Variants in LAMA2 observed in about 807,000 individuals in gnomAD.
LAMA2 encodes laminin subunit alpha 2.
In LAMA2, 269 loss-of-function variants were observed where a neutral mutation model predicts 364.8. The observed-to-expected ratio is 0.74, with a 90% confidence interval of 0.67 to 0.82. The LOEUF is 0.82. LAMA2 is among the 40% of genes least tolerant of loss of function. The pLI, the probability that LAMA2 is intolerant of heterozygous loss-of-function variation, is 0.00. For missense variants in LAMA2, 3,807 were observed against 3,873.2 expected (o/e 0.98, Z 0.45); for synonymous variants, 1,379 against 1,370.6 (o/e 1.01, Z -0.14).
Position 129,079,149 on chromosome 6 carries a change from G to A in LAMA2, c.397-19024G>A, listed in dbSNP as rs142671080. On this transcript the variant is annotated intron_variant, in intron 3 of 64. Coordinates refer to ENST00000421865, the MANE Select transcript of LAMA2 (RefSeq NM_000426.4). ...TGGGCATATGGGCTTCAATCTTTAA[G>A]GTTTCAGTTACTCATGGTAAACTGA... is the stretch of plus-strand genomic sequence containing the variant. Among the ~76,000 whole-genome samples, 39 of 152,058 alleles carry A rather than the reference G, an allele frequency of 2.6e-4. No homozygotes were observed. In the East Asian group the frequency reaches 6.9e-3, roughly 27 times the overall value.
At chr6:129,410,439 G>A (rs976833978) in intron 40 of LAMA2, among the ~76,000 whole-genome samples, 1 of 151,802 alleles carries the variant, frequency 6.6e-6, no homozygotes, top group Non-Finnish European at 1.5e-5. Flanking sequence ...CTTTCTCTCT[G>A]TCTCTGTCTC....
At chr6:129,041,200 G>T (rs1233329602) in intron 1 of LAMA2, among the ~76,000 whole-genome samples, 5 of 152,160 alleles carry the variant, frequency 3.3e-5, no homozygotes, top group Non-Finnish European at 7.3e-5. Flanking sequence ...GCCTAAGGAA[G>T]CAGCCTTCCC....
chr6:129,167,879 C>T lies in LAMA2; in HGVS notation c.1306+2204C>T, dbSNP rs376103484. Among the ~76,000 whole-genome samples the T allele has an allele frequency of 8.9e-3, 1,345 of 150,426 alleles. 14 individuals carry two copies. Among genetic ancestry groups the T allele is most frequent in the Non-Finnish European group, 0.015 (983 of 67,586 alleles). On this transcript the variant is annotated intron_variant, in intron 9 of 64. Transcript: ENST00000421865. ...TTCTAACTGGTGTGAGATGGTATCTCATTGTGGTTTTGATTTGCATTTCTC... is the reference window on the plus strand; with the variant it reads ...TTCTAACTGGTGTGAGATGGTATCTTATTGTGGTTTTGATTTGCATTTCTC...
At chr6:129,013,657 G>A (rs1582872490) in intron 1 of LAMA2, among the ~76,000 whole-genome samples, 1 of 152,002 alleles carries the variant, frequency 6.6e-6, no homozygotes, top group Admixed American at 6.5e-5. Flanking sequence ...AGCCACGAAA[G>A]GCATTTTCAT....
At chr6:129,482,337 T>A (rs990554636) in intron 55 of LAMA2, among the ~76,000 whole-genome samples, 1 of 152,190 alleles carries the variant, frequency 6.6e-6, no homozygotes, top group Non-Finnish European at 1.5e-5. Context: ...CCCTGTCCAT[T>A]TGATTCTGTT....
chr6:129,387,821 A>G (rs1292827188), intron 35 of LAMA2, among the ~76,000 whole-genome samples: 2 of 152,214 alleles, frequency 1.3e-5, no homozygotes, highest in East Asian at 3.8e-4. Context: ...CAAACACCAC[A>G]TGTTCTCGCT....
At chr6:129,158,702 AG>A in intron 8 of LAMA2, 1 of 1,614,066 alleles carries the variant, frequency 6.2e-7, no homozygotes, top group Non-Finnish European at 8.5e-7. Flanking sequence ...CTATGACAAC[AG>A]GGGGCATGTG....
At chr6:129,354,334 C>G (rs561696601) in intron 32 of LAMA2, among the ~76,000 whole-genome samples, 231 of 151,928 alleles carry the variant, frequency 1.5e-3, no homozygotes, top group Non-Finnish European at 2.9e-3. Flanking sequence ...ATCATTTTTT[C>G]TTTGTATTTT....
chr6:128,888,840 G>GT (rs752108685), intron 1 of LAMA2, among the ~76,000 whole-genome samples: 16 of 152,108 alleles, frequency 1.1e-4, no homozygotes, highest in Admixed American at 7.2e-4. Context: ...AAAATCACAG[G>GT]TTTTTTTGTC....
At position 129,328,289 on chromosome 6, in the gene LAMA2, G is replaced by A. The variant is rs369076029; in HGVS notation, c.4188G>A (p.Pro1396=). ...TCCTTTTCTTTCAGGCATGCTTGCC[G>A]GGATTTTATCGACTGCGTTCTCAAC... ...YSGLSCEACL[P]GFYRLRSQPG... Residue 1396 remains proline, a synonymous_variant, in exon 29 of 65, where the codon CCG becomes CCA. Transcript: ENST00000421865. 3.3e-5 allele frequency: 54 copies of A among 1,613,906 alleles called. No individual in the cohort carries two copies. Among genetic ancestry groups the A allele is most frequent in the Middle Eastern group, 3.3e-4 (2 of 6,082 alleles).
chr6:129,399,995 A>G (rs1242329685), intron 37 of LAMA2, among the ~76,000 whole-genome samples: 3 of 152,214 alleles, frequency 2.0e-5, no homozygotes, highest in African/African-American at 7.2e-5. Flanking sequence ...CTGCTATAGC[A>G]AGAGACCAAA....
chr6:129,353,178 A>C lies in LAMA2; in HGVS notation c.4538A>C (p.Tyr1513Ser), dbSNP rs774313945. 1.2e-6 allele frequency: 2 copies of C among 1,613,516 alleles called. No individual in the cohort carries two copies. Among genetic ancestry groups the C allele is most frequent in the African/African-American group, 2.7e-5 (2 of 74,892 alleles). The part of the protein sequence containing the change: ...GQYCERCAPG[Y>S]TGSPGNPGGS... ...TTTCAATTCAGGTGTGCCCCTGGCTATACTGGCAGTCCAGGCAACCCTGGA... is the reference window on the plus strand; with the variant it reads ...TTTCAATTCAGGTGTGCCCCTGGCTCTACTGGCAGTCCAGGCAACCCTGGA... The change falls in exon 32 of 65, where the codon TAT (tyrosine) becomes TCT (serine). Residue 1513 changes from tyrosine (Y) to serine (S), a missense_variant. This residue lies in a region of LAMA2 where 3,333 missense variants were observed against 3,345.7 expected (regional missense o/e 1.00). Transcript: ENST00000421865.
intron 23 of LAMA2, among the ~76,000 whole-genome samples, chr6:129,314,248 A>T (rs1774414622): frequency 6.6e-6 from 1 of 152,052 alleles, no homozygotes; most frequent in Non-Finnish European, 1.5e-5. Context: ...AAAATACAAA[A>T]ATTAGCTGGG....
At chr6:129,101,150 G>A (rs1169025808) in intron 4 of LAMA2, among the ~76,000 whole-genome samples, 1 of 152,112 alleles carries the variant, frequency 6.6e-6, no homozygotes, top group African/African-American at 2.4e-5. Context: ...AAACATGATT[G>A]CATAAGTACT....
intron 1 of LAMA2, among the ~76,000 whole-genome samples, chr6:129,035,254 C>T (rs948759111): frequency 4.7e-5 from 7 of 148,342 alleles, no homozygotes; most frequent in African/African-American, 1.7e-4. Context: ...AGCATTTTTT[C>T]ATTTGCTTTT....
Position 129,146,958 on chromosome 6 carries a change from G to A in LAMA2, c.820-1G>A, listed in dbSNP as rs1370654793. Reference sequence around the variant, plus strand: ...ATTTCTCTCTGGATTGCTTTTTGCAGTATTACTACTCGGTCAAGGATATTT... The same window carrying A: ...ATTTCTCTCTGGATTGCTTTTTGCAATATTACTACTCGGTCAAGGATATTT... On this transcript the variant is annotated splice_acceptor_variant, in intron 5 of 64. Coordinates refer to ENST00000421865, the MANE Select transcript of LAMA2 (RefSeq NM_000426.4). LOFTEE classifies it high-confidence loss of function. 11 of 1,598,830 alleles carry A rather than the reference G, an allele frequency of 6.9e-6. No homozygotes were observed. The highest frequency in any genetic ancestry group is 9.4e-6 in the Non-Finnish European group (11 of 1,166,402).
chr6:129,077,027 A>G (rs1345233988), intron 3 of LAMA2, among the ~76,000 whole-genome samples: 2 of 152,168 alleles, frequency 1.3e-5, no homozygotes, highest in East Asian at 3.9e-4. Flanking sequence ...GCAAAGATGA[A>G]TAATCTTCAA....
intron 1 of LAMA2, among the ~76,000 whole-genome samples, chr6:129,034,423 T>TC (rs1160017536): frequency 6.6e-6 from 1 of 152,136 alleles, no homozygotes; most frequent in Admixed American, 6.6e-5. Flanking sequence ...CCATTAGTGT[T>TC]CCTACAAGAA....
chr6:129,255,273 G>T (rs951814903), intron 14 of LAMA2, among the ~76,000 whole-genome samples: 1 of 151,844 alleles, frequency 6.6e-6, no homozygotes, highest in African/African-American at 2.4e-5. Context: ...AGACATGGTG[G>T]CACGTGTCAG....
Sources: gnomAD v4.1 joint callset for allele counts (sites outside exome capture counted in the v4.1 genomes callset) on GRCh38, gnomAD v4.1.1 for gene constraint, gnomAD v4.1.1 regional missense constraint, MANE v1.5 for transcripts, NCBI Gene and HGNC (gene_info 2026-07-23, HGNC 2026-07-21) for gene names.